Variants in KCND2 observed in about 807,000 individuals in gnomAD.
KCND2 encodes potassium voltage-gated channel subfamily D member 2, also known as A-type voltage-gated potassium channel KCND2.
KCND2 carries 16 observed loss-of-function variants against 54.4 expected under a neutral mutation model. That is an observed-to-expected ratio of 0.29 (90% CI 0.20 to 0.45). The LOEUF (loss-of-function observed/expected upper bound fraction) is 0.45, where lower values mean the gene tolerates loss of function less well. Ranked by LOEUF, KCND2 falls within the 20% of genes least tolerant of loss-of-function variation. The pLI, the probability that KCND2 is intolerant of heterozygous loss-of-function variation, is 1.00. For synonymous variants in KCND2, 317 were observed against 310.7 expected (o/e 1.02, Z -0.21); for missense variants, 486 against 824.2 (o/e 0.59, Z 5.02).
Position 120,413,865 on chromosome 7 carries a change from A to G in KCND2, c.1115+138118A>G, listed in dbSNP as rs568346641. Among the ~76,000 whole-genome samples the G allele has an allele frequency of 4.6e-4, 69 of 151,492 alleles. 1 individual carries two copies. The highest frequency in any genetic ancestry group is 1.9e-4 in the Non-Finnish European group (13 of 67,856). ...GCTTAGATGAATCAATGTTTCCGAGATGCTTTTATGGCATTAGCATGTATG... is the reference window on the plus strand; with the variant it reads ...GCTTAGATGAATCAATGTTTCCGAGGTGCTTTTATGGCATTAGCATGTATG... On this transcript the variant is annotated intron_variant, in intron 1 of 5. Transcript: ENST00000331113.
At chr7:120,678,396 C>T (rs1285487151) in intron 1 of KCND2, among the ~76,000 whole-genome samples, 1 of 137,162 alleles carries the variant, frequency 7.3e-6, no homozygotes, top group Non-Finnish European at 1.5e-5. Context: ...TATATAGACA[C>T]ATACACACAT....
intron 1 of KCND2, among the ~76,000 whole-genome samples, chr7:120,677,317 A>G (rs951192813): frequency 6.6e-6 from 1 of 152,134 alleles, no homozygotes; most frequent in African/African-American, 2.4e-5. Flanking sequence ...CTTGGAATGA[A>G]TCAGTACCAG....
chr7:120,283,569 T>C (rs1799297243), intron 1 of KCND2, among the ~76,000 whole-genome samples: 1 of 152,164 alleles, frequency 6.6e-6, no homozygotes. Flanking sequence ...AAATTGTTAC[T>C]AATAACACAA....
At chr7:120,539,566 A>G (rs1666576388) in intron 1 of KCND2, among the ~76,000 whole-genome samples, 1 of 152,188 alleles carries the variant, frequency 6.6e-6, no homozygotes, top group Admixed American at 6.5e-5. Context: ...GTTATGACTC[A>G]AGCATTTCAC....
intron 1 of KCND2, among the ~76,000 whole-genome samples, chr7:120,661,293 G>A (rs1379809035): frequency 6.6e-6 from 1 of 152,128 alleles, no homozygotes; most frequent in Non-Finnish European, 1.5e-5. Context: ...CGCATCATTA[G>A]TCATGATTAT....
rs1489528316 is a variant in KCND2 at position 120,674,100 on chromosome 7, C to T, written c.1116-58803C>T. Among the ~76,000 whole-genome samples, 3 of 152,040 alleles carry T rather than the reference C, an allele frequency of 2.0e-5. 1 individual carries two copies. Among genetic ancestry groups the T allele is most frequent in the Non-Finnish European group, 4.4e-5 (3 of 67,966 alleles). ...TGTATTTTTAGTAGAGATGGGGTTT[C>T]ACCATGTTGTCCAGGCTGGTCTTGA... On this transcript the variant is annotated intron_variant, in intron 1 of 5. Transcript: ENST00000331113.
chr7:120,443,105 G>A (rs556844433), intron 1 of KCND2, among the ~76,000 whole-genome samples: 1 of 152,100 alleles, frequency 6.6e-6, no homozygotes, highest in South Asian at 2.1e-4. Context: ...TGTCGACTTT[G>A]ATAGAGAACC....
chr7:120,441,189 A>G (rs1006842196), intron 1 of KCND2, among the ~76,000 whole-genome samples: 2 of 152,094 alleles, frequency 1.3e-5, no homozygotes, highest in African/African-American at 2.4e-5. Context: ...AGAGACCTGC[A>G]TTTGCATCCT....
At chr7:120,595,217 C>T (rs866444844) in intron 1 of KCND2, among the ~76,000 whole-genome samples, 19 of 150,858 alleles carry the variant, frequency 1.3e-4, no homozygotes, top group African/African-American at 3.4e-4. Flanking sequence ...TTTTGGAGGC[C>T]GAGACGGGCA....
At chr7:120,599,723 TATGTAGAAAATC>T (rs1248725701) in intron 1 of KCND2, among the ~76,000 whole-genome samples, 16 of 152,040 alleles carry the variant, frequency 1.1e-4, no homozygotes, top group African/African-American at 3.9e-4. Context: ...GACATTTTTC[TATGTAGAAAATC>T]ATAAATCTGT....
chr7:120,469,038 C>CAA (rs1461633227), intron 1 of KCND2, among the ~76,000 whole-genome samples: 1 of 151,622 alleles, frequency 6.6e-6, no homozygotes, highest in Non-Finnish European at 1.5e-5. Flanking sequence ...CACACACACA[C>CAA]AACACAGTAC....
intron 1 of KCND2, among the ~76,000 whole-genome samples, chr7:120,610,853 G>A (rs1792945165): frequency 6.6e-6 from 1 of 152,060 alleles, no homozygotes; most frequent in Admixed American, 6.6e-5. Context: ...TTATTGCTTG[G>A]TAATGCAGAT....
chr7:120,551,685 T>C (rs1461221308), intron 1 of KCND2, among the ~76,000 whole-genome samples: 1 of 152,222 alleles, frequency 6.6e-6, no homozygotes, highest in Non-Finnish European at 1.5e-5. Flanking sequence ...GGTTCGGATT[T>C]ATAGCATTCT....
intron 1 of KCND2, among the ~76,000 whole-genome samples, chr7:120,355,047 T>A (rs1412620290): frequency 1.3e-5 from 2 of 152,172 alleles, no homozygotes; most frequent in Non-Finnish European, 2.9e-5. Context: ...GAAATGACCC[T>A]CCTCTCCTGC....
chr7:120,429,778 G>A (rs1375523037), intron 1 of KCND2, among the ~76,000 whole-genome samples: 1 of 152,158 alleles, frequency 6.6e-6, no homozygotes, highest in African/African-American at 2.4e-5. Flanking sequence ...GTAAAAATCA[G>A]AAAGTTGGAA....
intron 1 of KCND2, among the ~76,000 whole-genome samples, chr7:120,656,430 T>C (rs1791804138): frequency 6.6e-6 from 1 of 152,246 alleles, no homozygotes; most frequent in South Asian, 2.1e-4. Flanking sequence ...TATTTCCTTT[T>C]ATAATTCGTC....
At chr7:120,587,229 A>G (rs1298337800) in intron 1 of KCND2, among the ~76,000 whole-genome samples, 1 of 152,118 alleles carries the variant, frequency 6.6e-6, no homozygotes, top group Non-Finnish European at 1.5e-5. Flanking sequence ...TCCCTAATCC[A>G]AGACTTCTAA....
chr7:120,400,138 T>C (rs2116077743), intron 1 of KCND2, among the ~76,000 whole-genome samples: 1 of 152,200 alleles, frequency 6.6e-6, no homozygotes, highest in Admixed American at 6.6e-5. Flanking sequence ...GCAGCAAAAA[T>C]AGGGGTCAAA....
At chr7:120,678,738 GTATATATATATATATATATATATATATA>G (rs66483423) in intron 1 of KCND2, among the ~76,000 whole-genome samples, 3 of 115,768 alleles carry the variant, frequency 2.6e-5, no homozygotes, top group Non-Finnish European at 5.5e-5. Flanking sequence ...GTGTGTGAGT[GTATATATATATATATATATATATATATA>G]TATATATATA....
Sources: gnomAD v4.1 joint callset for allele counts (sites outside exome capture counted in the v4.1 genomes callset) on GRCh38, gnomAD v4.1.1 for gene constraint, MANE v1.5 for transcripts, NCBI Gene and HGNC (gene_info 2026-07-23, HGNC 2026-07-21) for gene names.